The following LZTR1 variants were observed in gnomAD, a reference collection of about 807,000 sequenced individuals.
LZTR1 encodes the protein leucine-zipper-like transcriptional regulator 1.
LZTR1 carries 260 observed loss-of-function variants against 105.7 expected under a neutral mutation model. The observed-to-expected ratio is 2.46, with a 90% CI of 2.22 to 2.72. The LOEUF is 2.72. LZTR1 is among the 30% of genes most tolerant of loss of function. The probability of loss-of-function intolerance (pLI) is 0.00; values close to 1 mark genes in which losing one functional copy is unlikely to be tolerated. For missense variants in LZTR1, 1,214 were observed against 1,166.9 expected, an observed-to-expected ratio of 1.04 and a Z score of -0.59; for synonymous variants, 490 against 476.4, an observed-to-expected ratio of 1.03 and a Z score of -0.37.
Position 20,994,281 on chromosome 22 carries a change from TG to T in LZTR1, c.1615+17del, listed in dbSNP as rs773182332. ...ATACCCACGGAAAGGTCCGCCTGGGTGGGGGTGGAGCAGGGTTGGTGTGGGC... is the reference window on the plus strand; with the variant it reads ...ATACCCACGGAAAGGTCCGCCTGGGTGGGGTGGAGCAGGGTTGGTGTGGGC... On this transcript the variant is annotated intron_variant, in intron 14 of 20. Coordinates refer to ENST00000646124, the MANE Select transcript of LZTR1 (RefSeq NM_006767.4). 6.9e-6 allele frequency: 11 copies of T among 1,596,118 alleles called. No homozygotes were observed. The highest frequency in any genetic ancestry group is 9.3e-6 in the Non-Finnish European group (11 of 1,178,414).
Position 20,994,988 on chromosome 22 carries a change from C to T in LZTR1, c.1904C>T (p.Pro635Leu), listed in dbSNP as rs148677674. The change falls in exon 16 of 21, where the codon CCG becomes CTG. Residue 635 changes from proline (P) to leucine (L), a missense_variant. By Grantham distance (98) the Pro-to-Leu change is moderately conservative (BLOSUM62 -3). Coordinates refer to ENST00000646124, the MANE Select transcript of LZTR1 (RefSeq NM_006767.4). ...GAGATTGTGCGGCGGAAGCAGCAGC[C>T]GCCCCCTCGCACTCCCTTGGACCAG... is the stretch of plus-strand genomic sequence containing the variant. Reference protein sequence around the residue: ...IVEIVRRKQQPPPRTPLDQPV... With the variant: ...IVEIVRRKQQLPPRTPLDQPV... The T allele has an allele frequency of 1.2e-4, 188 of 1,612,952 alleles. 1 individual carries two copies. In the African/African-American group the frequency reaches 2.2e-3, roughly 19 times the overall value.
At chr22:20,988,660 T>C in intron 5 of LZTR1, 129 bp from the exon 6 acceptor site, 1 of 688,636 alleles carries the variant, frequency 1.5e-6, no homozygotes. Context: ...GTGGAGGTCC[T>C]GAAGCCCCAG....
At chr22:20,988,572 C>A (rs538908121) in intron 5 of LZTR1, among the ~76,000 whole-genome samples, 2 of 152,194 alleles carry the variant, frequency 1.3e-5, no homozygotes, top group Non-Finnish European at 2.9e-5. Context: ...GGAGAAGGTT[C>A]TGTGCCTCTG....
chr22:20,993,783 G>A, intron 12 of LZTR1, 29 bp downstream of exon 12: 1 of 1,598,656 alleles, frequency 6.3e-7, no homozygotes, highest in Admixed American at 1.7e-5. Flanking sequence ...ACCCTGCTCT[G>A]CCTGCTGTGC....
chr22:20,985,886 C>A lies in LZTR1; in HGVS notation c.309C>A (p.Cys103Ter), dbSNP rs1261951611. The stretch of plus-strand genomic sequence containing the variant: ...TCCTGCGGTTCGATGTGAAAGACTG[C>A]TCCTGGTGCAGGTGGGTGGCCCCGT... Reference protein sequence around the residue: ...NDLLRFDVKDCSWCRAFTTGT... With the variant: ...NDLLRFDVKD The change falls in exon 3 of 21, where the codon TGC becomes TGA. Residue 103 changes from cysteine (C) to a stop codon, truncating the protein, a stop_gained. Coordinates refer to ENST00000646124, the MANE Select transcript of LZTR1 (RefSeq NM_006767.4). LOFTEE classifies it high-confidence loss of function. 3.7e-6 allele frequency: 6 copies of A among 1,614,072 alleles called. No individual in the cohort carries two copies. Among genetic ancestry groups the A allele is most frequent in the Non-Finnish European group, 5.1e-6 (6 of 1,180,034 alleles).
intron 5 of LZTR1, among the ~76,000 whole-genome samples, chr22:20,988,357 T>C (rs1030002225): frequency 6.6e-6 from 1 of 152,164 alleles, no homozygotes; most frequent in Non-Finnish European, 1.5e-5. Context: ...GTAGTCCTAG[T>C]ACTTTGGGAA....
In LZTR1 at chr22:20,982,419, G is replaced by A. The variant is rs1306428478; in HGVS notation, c.48G>A (p.Leu16=). 5.7e-6 allele frequency: 9 copies of A among 1,573,078 alleles called. No homozygotes were observed. Among genetic ancestry groups the A allele is most frequent in the African/African-American group, 1.3e-5 (1 of 74,222 alleles). The change falls in exon 1 of 21, where the codon CTG becomes CTA. Residue 16 remains leucine, a synonymous_variant. Transcript: ENST00000646124. ...STGGQIGAAA[L]AGGARSKVAP... ...GGGGGCAGATCGGGGCTGCGGCCCT[G>A]GCAGGCGGCGCGCGGTCCAAGGTAG...
In LZTR1 at chr22:20,996,849, T is replaced by G. The variant is rs1601723765; in HGVS notation, c.2326-37T>G. On this transcript the variant is annotated intron_variant, in intron 19 of 20. Transcript: ENST00000646124. ...ATGGCTGCAGCTCCCACTGAGTGGG[T>G]GAAAGGGGCAGCGCCTCAAGGTCCC... 3 of 1,611,192 alleles carry G rather than the reference T, an allele frequency of 1.9e-6. No homozygotes were observed. In the South Asian group the frequency reaches 3.3e-5, roughly 18 times the overall value.
In LZTR1 at chr22:20,997,530, G is replaced by A. The variant is rs117248731; in HGVS notation, c.*182G>A. On this transcript the variant is annotated 3_prime_UTR_variant, in exon 21 of 21. Coordinates refer to ENST00000646124, the MANE Select transcript of LZTR1 (RefSeq NM_006767.4). ...GGGGCCCCAAACTCATTAATTCACT[G>A]AAGACACAGGTCCCACAGGGAGCGG... 0.021 allele frequency: 12,077 copies of A among 573,104 alleles called. 782 individuals are homozygous for A. The highest frequency in any genetic ancestry group is 0.18 in the East Asian group (6,095 of 34,408). The allele number at this position is 573,104 out of a possible 1,614,324, so 35.5% of individuals were successfully genotyped here. A position where few individuals can be genotyped will look rare whatever the true frequency, so the allele number is the denominator to read the frequency against.
rs191677014 is a variant in LZTR1 at position 20,983,014 on chromosome 22, C to T, written c.201-13C>T. On this transcript the variant is annotated splice_polypyrimidine_tract_variant and intron_variant, in intron 1 of 20. Transcript: ENST00000646124. ...GGTCCTGTCCTTACCGCCCTCCACTCCTTTCTTTCCAGGCGCAGCAAGCAC... is the reference window on the plus strand; with the variant it reads ...GGTCCTGTCCTTACCGCCCTCCACTTCTTTCTTTCCAGGCGCAGCAAGCAC... The T allele has an allele frequency of 1.3e-3, 2,130 of 1,613,720 alleles. 8 individuals are homozygous for T. The highest frequency in any genetic ancestry group is 3.5e-3 in the Admixed American group (213 of 60,028).
At position 20,997,383 on chromosome 22, in the gene LZTR1, C is replaced by G. The variant is rs757570696; in HGVS notation, c.*35C>G. 6 of 1,472,396 alleles carry G rather than the reference C, an allele frequency of 4.1e-6. No individual in the cohort carries two copies. The highest frequency in any genetic ancestry group is 5.7e-6 in the Non-Finnish European group (6 of 1,052,094). The allele number at this position is 1,472,396 out of a possible 1,614,324, so 91.2% of individuals were successfully genotyped here. On this transcript the variant is annotated 3_prime_UTR_variant, in exon 21 of 21. Coordinates refer to ENST00000646124, the MANE Select transcript of LZTR1 (RefSeq NM_006767.4). ...GCGCCTGCCCATTGTGAAGAATCGC[C>G]GTGCCTGCCTGCCCTGCCTACTGAG... is the stretch of plus-strand genomic sequence containing the variant.
rs1924965617 is a variant in LZTR1 at position 20,998,515 on chromosome 22, C to T, written c.*1167C>T. 1 of 152,374 alleles carries T rather than the reference C, an allele frequency of 6.6e-6. No individual in the cohort carries two copies. Among genetic ancestry groups the T allele is most frequent in the Non-Finnish European group, 1.5e-5 (1 of 68,154 alleles). 9.4% of individuals were successfully genotyped at this position (152,374 alleles called of 1,614,324 possible). A position where few individuals can be genotyped will look rare whatever the true frequency, so the allele number is the denominator to read the frequency against. ...TCTTGTTGTGGCTGCCATGAAGCCA[C>T]AGCTCCTTGGGGAAGTGACCTGCTC... On this transcript the variant is annotated 3_prime_UTR_variant, in exon 21 of 21. Coordinates refer to ENST00000646124, the MANE Select transcript of LZTR1 (RefSeq NM_006767.4).
At chr22:20,996,483 C>CT (rs1569158231) in intron 18 of LZTR1, 4 of 602,934 alleles carry the variant, frequency 6.6e-6, no homozygotes, top group Non-Finnish European at 1.2e-5. Flanking sequence ...TGGAACAGCG[C>CT]TACAGATGTA....
At chr22:20,994,490 G>C in intron 14 of LZTR1, 68 bp from the exon 15 acceptor site, 1 of 1,524,874 alleles carries the variant, frequency 6.6e-7, no homozygotes, top group Non-Finnish European at 8.9e-7. Flanking sequence ...TCCATGGGGG[G>C]AGCCCTGCGC....
At chr22:20,989,882 C>G (rs929170860) in intron 7 of LZTR1, among the ~76,000 whole-genome samples, 200 bp downstream of exon 7, 4 of 152,118 alleles carry the variant, frequency 2.6e-5, no homozygotes, top group Non-Finnish European at 5.9e-5. Context: ...CGCTCTCCTC[C>G]CTGGTGACCT....
chr22:20,984,418 A>G (rs1171969557), intron 2 of LZTR1, among the ~76,000 whole-genome samples: 1 of 152,238 alleles, frequency 6.6e-6, no homozygotes, highest in Non-Finnish European at 1.5e-5. Context: ...CAAGTGGGAA[A>G]TGGGGGACCT....
At chr22:20,991,422 G>A in intron 8 of LZTR1, 1 of 579,714 alleles carries the variant, frequency 1.7e-6, no homozygotes, top group East Asian at 2.9e-5. Flanking sequence ...CCCTGCGGTG[G>A]GCCACATGGA....
chr22:20,996,144 C>T, intron 18 of LZTR1, 32 bp downstream of exon 18: 1 of 1,604,788 alleles, frequency 6.2e-7, no homozygotes, highest in Non-Finnish European at 8.5e-7. Context: ...CTCCCAGGTC[C>T]CCACCAAGGG....
At chr22:20,985,198 C>T (rs1924337340) in intron 2 of LZTR1, among the ~76,000 whole-genome samples, 2 of 151,244 alleles carry the variant, frequency 1.3e-5, no homozygotes, top group Admixed American at 1.3e-4. Context: ...GCTGGGATTA[C>T]AGGCGCCTGC....
Sources: gnomAD v4.1 joint callset for allele counts (sites outside exome capture counted in the v4.1 genomes callset) on GRCh38, gnomAD v4.1.1 for gene constraint, MANE v1.5 for transcripts, NCBI Gene and HGNC (gene_info 2026-07-23, HGNC 2026-07-21) for gene names.